Variants in ZBBX observed in about 807,000 individuals in gnomAD.
ZBBX encodes zinc finger B-box domain-containing protein 1.
A neutral mutation model predicts 108.5 loss-of-function variants in ZBBX; 101 were observed. The ratio of observed to expected loss-of-function variants is 0.93; its 90% CI spans 0.79 to 1.10. ZBBX has a LOEUF of 1.10. Ranked by LOEUF, ZBBX falls within the 50% of genes least tolerant of loss-of-function variation. The pLI is 0.00. For synonymous variants in ZBBX, 356 were observed against 323.4 expected (o/e 1.10, Z -1.08); for missense variants, 1,009 against 941.4 (o/e 1.07, Z -0.94).
At chr3:167,386,517 A>T (rs1363095344) in intron 1 of ZBBX, among the ~76,000 whole-genome samples, 2 of 152,062 alleles carry the variant, frequency 1.3e-5, no homozygotes, top group African/African-American at 4.8e-5. Context: ...TTGCATAGGC[A>T]TATATAAGTG....
At chr3:167,350,832 C>G (rs960785841) in intron 8 of ZBBX, among the ~76,000 whole-genome samples, 9 of 152,006 alleles carry the variant, frequency 5.9e-5, no homozygotes, top group African/African-American at 2.2e-4. Context: ...TCTGAATAAA[C>G]TATAAAACAA....
At chr3:167,235,157 C>G (rs1322160071), downstream of ZBBX, among the ~76,000 whole-genome samples, 2 of 151,666 alleles carry the variant, frequency 1.3e-5, no homozygotes, top group East Asian at 3.9e-4. Flanking sequence ...CAAATCCTAA[C>G]TTATCCAGTA....
intron 6 of ZBBX, among the ~76,000 whole-genome samples, chr3:167,363,911 A>T (rs1385959106): frequency 6.6e-6 from 1 of 152,104 alleles, no homozygotes; most frequent in East Asian, 1.9e-4. Flanking sequence ...ATGTTTAGGT[A>T]TCATTACAAA....
At chr3:167,329,137 C>G (rs868773425) in intron 10 of ZBBX, among the ~76,000 whole-genome samples, 3 of 152,110 alleles carry the variant, frequency 2.0e-5, no homozygotes, top group South Asian at 2.1e-4. Flanking sequence ...GAATTCAGTA[C>G]AAAATATAAA....
At chr3:167,311,609 C>G (rs1290119628) in intron 16 of ZBBX, among the ~76,000 whole-genome samples, 3 of 151,822 alleles carry the variant, frequency 2.0e-5, no homozygotes, top group Non-Finnish European at 4.4e-5. Flanking sequence ...ACAACCCAAT[C>G]AAAACATTAG....
chr3:167,187,030 T>C, the ZBBX span, among the ~76,000 whole-genome samples: 1 of 152,136 alleles, frequency 6.6e-6, no homozygotes. Context: ...CCCTGAAGTA[T>C]TTGGCTTTGG....
intron 5 of ZBBX, 32 bp from the exon 6 acceptor site, chr3:167,366,008 T>C: frequency 6.7e-7 from 1 of 1,481,512 alleles, no homozygotes; most frequent in Non-Finnish European, 9.3e-7. Flanking sequence ...TAAAATGTAA[T>C]CACTAAACAC....
the ZBBX span, among the ~76,000 whole-genome samples, chr3:167,225,509 C>T: frequency 6.6e-6 from 1 of 151,770 alleles, no homozygotes; most frequent in Non-Finnish European, 1.5e-5. Context: ...ACTTGTTTTG[C>T]AATCATTGAA....
intron 8 of ZBBX, among the ~76,000 whole-genome samples, chr3:167,358,037 G>A (rs1164702720): frequency 6.6e-6 from 1 of 152,004 alleles, no homozygotes; most frequent in African/African-American, 2.4e-5. Context: ...TGAGAGGGGA[G>A]GGATAGCTTT....
intron 8 of ZBBX, among the ~76,000 whole-genome samples, chr3:167,357,024 C>T (rs1486374997): frequency 6.6e-6 from 1 of 151,852 alleles, no homozygotes; most frequent in Non-Finnish European, 1.5e-5. Flanking sequence ...ATTAGACATC[C>T]AATAAAGGTG....
chr3:167,355,544 T>C (rs1012027428), intron 8 of ZBBX, among the ~76,000 whole-genome samples: 3 of 151,746 alleles, frequency 2.0e-5, no homozygotes, highest in Admixed American at 2.0e-4. Context: ...CATATATCTA[T>C]ATCTATATAC....
Position 167,242,662 on chromosome 3 carries a change from T to A in ZBBX, c.2255-19A>T. 6.2e-7 allele frequency: 1 copy of A among 1,603,532 alleles called. No homozygotes were observed. The highest frequency in any genetic ancestry group is 1.1e-5 in the South Asian group (1 of 89,714). ...GAAGTATCTGAAATATTTTATTTCA[T>A]GCATTGTCAAAACATAAATTCAAGA... On this transcript the variant is annotated intron_variant, in intron 20 of 21. Coordinates refer to ENST00000675490, the MANE Select transcript of ZBBX (RefSeq NM_001199201.2).
chr3:167,219,248 T>A, the ZBBX span, among the ~76,000 whole-genome samples: 9 of 151,918 alleles, frequency 5.9e-5, no homozygotes, highest in Admixed American at 4.6e-4. Context: ...CACAAAAAAA[T>A]GGACTTAATC....
intron 20 of ZBBX, among the ~76,000 whole-genome samples, chr3:167,244,465 A>G (rs1258347748): frequency 6.6e-6 from 1 of 152,244 alleles, no homozygotes; most frequent in Non-Finnish European, 1.5e-5. Context: ...TAATTGAATG[A>G]GCATAAAGCT....
At chr3:167,257,398 A>G (rs1017424080) in intron 20 of ZBBX, among the ~76,000 whole-genome samples, 2 of 151,958 alleles carry the variant, frequency 1.3e-5, no homozygotes, top group Non-Finnish European at 2.9e-5. Context: ...GATGCCCTTT[A>G]CTTCTTTATC....
chr3:167,325,560 A>G (rs1737223120), intron 11 of ZBBX, among the ~76,000 whole-genome samples: 1 of 152,064 alleles, frequency 6.6e-6, no homozygotes, highest in African/African-American at 2.4e-5. Flanking sequence ...AAACCATAAC[A>G]CCTGGTATGG....
chr3:167,255,594 A>G (rs946430222), intron 20 of ZBBX, among the ~76,000 whole-genome samples: 1 of 152,104 alleles, frequency 6.6e-6, no homozygotes, highest in Non-Finnish European at 1.5e-5. Flanking sequence ...ATCTGAAACT[A>G]AAGCATATAG....
At chr3:167,399,872 C>T (rs1283282804) in intron 1 of ZBBX, among the ~76,000 whole-genome samples, 1 of 152,042 alleles carries the variant, frequency 6.6e-6, no homozygotes, top group Non-Finnish European at 1.5e-5. Context: ...CTCCCTTTCT[C>T]CTCTAGTAGT....
At chr3:167,203,818 G>A in the ZBBX span, among the ~76,000 whole-genome samples, 1 of 152,016 alleles carries the variant, frequency 6.6e-6, no homozygotes, top group African/African-American at 2.4e-5. Context: ...ATATTGGCAA[G>A]AGCAGAACTA....
Sources: allele counts gnomAD v4.1 joint callset (sites outside exome capture counted in the v4.1 genomes callset), GRCh38; gene constraint gnomAD v4.1.1; transcripts MANE v1.5; gene names NCBI Gene and HGNC (gene_info 2026-07-23, HGNC 2026-07-21).